The following CNTN4 variants were observed in gnomAD, a reference collection of about 807,000 sequenced individuals.
CNTN4 encodes contactin 4, also known as contactin-4.
CNTN4 carries 77 observed loss-of-function variants against 122.5 expected under a neutral mutation model. The ratio of observed to expected loss-of-function variants is 0.63; its 90% CI spans 0.52 to 0.76. The LOEUF is 0.76. Among genes scored for constraint, CNTN4 ranks in the 30% least tolerant of loss-of-function variants. The pLI is 0.00. For missense variants in CNTN4, 1,256 were observed against 1,259.1 expected (o/e 1.00, Z 0.04); for synonymous variants, 512 against 447.0 (o/e 1.15, Z -1.83).
intron 3 of CNTN4, among the ~76,000 whole-genome samples, chr3:2,455,738 G>T (rs2048975372): frequency 6.6e-6 from 1 of 152,056 alleles, no homozygotes; most frequent in South Asian, 2.1e-4. Context: ...CATTCCTGAA[G>T]TGTGTCTTAT....
At chr3:2,393,977 G>A (rs2046539990) in intron 3 of CNTN4, among the ~76,000 whole-genome samples, 1 of 151,732 alleles carries the variant, frequency 6.6e-6, no homozygotes, top group African/African-American at 2.4e-5. Flanking sequence ...AAGTAATTGT[G>A]GTTTTTACTA....
At chr3:2,116,361 C>T (rs917736158) in intron 2 of CNTN4, among the ~76,000 whole-genome samples, 4 of 152,024 alleles carry the variant, frequency 2.6e-5, no homozygotes, top group African/African-American at 7.3e-5. Context: ...GGAGGGGAGA[C>T]GTGTTTATGG....
intron 3 of CNTN4, among the ~76,000 whole-genome samples, chr3:2,566,349 T>A (rs930375909): frequency 2.0e-5 from 3 of 152,234 alleles, no homozygotes; most frequent in Non-Finnish European, 1.5e-5. Flanking sequence ...CCTCTCATAT[T>A]CTAATTGCCA....
intron 3 of CNTN4, among the ~76,000 whole-genome samples, chr3:2,517,384 T>C (rs930440640): frequency 6.6e-6 from 1 of 152,124 alleles, no homozygotes; most frequent in Non-Finnish European, 1.5e-5. Flanking sequence ...CTTCTACCAA[T>C]GTCTGTGTTT....
At position 2,108,823 on chromosome 3, in the gene CNTN4, C is replaced by T. The variant is rs553121711; in HGVS notation, c.-145+8184C>T. Among the ~76,000 whole-genome samples, 6 of 152,252 alleles carry T rather than the reference C, an allele frequency of 3.9e-5. No homozygotes were observed. The South Asian group carries it at 8.3e-4, about 21-fold the overall frequency. ...TGAAGATTATGTAGAGTACTACATG[C>T]AAAGTACAAGCAGGACAGTGCCCAA... On this transcript the variant is annotated intron_variant, in intron 2 of 24. Transcript: ENST00000418658.
chr3:2,270,907 C>T (rs546785001), intron 2 of CNTN4, among the ~76,000 whole-genome samples: 1 of 152,226 alleles, frequency 6.6e-6, no homozygotes, highest in East Asian at 1.9e-4. Context: ...AGTTCACAGG[C>T]GTGCAGGCTG....
intron 2 of CNTN4, among the ~76,000 whole-genome samples, chr3:2,233,393 C>CT (rs2149558515): frequency 1.3e-5 from 2 of 152,232 alleles, no homozygotes; most frequent in African/African-American, 4.8e-5. Flanking sequence ...ATCAAGAAGC[C>CT]TTTGCCTGTT....
rs193141930 is a variant in CNTN4 at position 2,379,438 on chromosome 3, A to G, written c.-89+40205A>G. Among the ~76,000 whole-genome samples, 215 of 152,296 alleles carry G rather than the reference A, an allele frequency of 1.4e-3. 1 individual carries two copies. Among genetic ancestry groups the G allele is most frequent in the Non-Finnish European group, 2.0e-3 (135 of 68,028 alleles). On this transcript the variant is annotated intron_variant, in intron 3 of 24. Coordinates refer to ENST00000418658, the MANE Select transcript of CNTN4 (RefSeq NM_175607.3). ...ACTTCTGATAGTACCTTGGATAGATAACTTTATTAATTGAGGTGGTTGACC... is the reference window on the plus strand; with the variant it reads ...ACTTCTGATAGTACCTTGGATAGATGACTTTATTAATTGAGGTGGTTGACC...
intron 13 of CNTN4, among the ~76,000 whole-genome samples, chr3:2,936,220 C>T (rs966242537): frequency 1.3e-5 from 2 of 152,182 alleles, no homozygotes; most frequent in African/African-American, 2.4e-5. Context: ...CCTGGGAAAG[C>T]ATTTCAACTT....
At chr3:2,798,186 G>A (rs1197019106) in intron 6 of CNTN4, among the ~76,000 whole-genome samples, 3 of 151,178 alleles carry the variant, frequency 2.0e-5, no homozygotes, top group Non-Finnish European at 4.4e-5. Context: ...CTGCTTGTGG[G>A]TTATTTCTCT....
intron 4 of CNTN4, among the ~76,000 whole-genome samples, chr3:2,669,146 G>T (rs2084347161): frequency 6.6e-6 from 1 of 152,162 alleles, no homozygotes. Flanking sequence ...CTATTGATTG[G>T]AATAGTTTCA....
At chr3:2,959,424 T>A (rs2094831100) in intron 13 of CNTN4, among the ~76,000 whole-genome samples, 1 of 152,132 alleles carries the variant, frequency 6.6e-6, no homozygotes, top group Admixed American at 6.5e-5. Context: ...AGTCTTTAAG[T>A]CTCCACAGGT....
chr3:2,667,372 G>T (rs1235555783), intron 4 of CNTN4, among the ~76,000 whole-genome samples: 1 of 152,030 alleles, frequency 6.6e-6, no homozygotes, highest in Admixed American at 6.5e-5. Flanking sequence ...TGTGTCTTTT[G>T]GCTGCATAAA....
intron 3 of CNTN4, among the ~76,000 whole-genome samples, chr3:2,370,880 T>A (rs2045606873): frequency 6.6e-6 from 1 of 152,214 alleles, no homozygotes; most frequent in Admixed American, 6.5e-5. Flanking sequence ...CATGCAGTTT[T>A]TAAGACCCAA....
chr3:2,335,356 T>C (rs989398444), intron 2 of CNTN4, among the ~76,000 whole-genome samples: 1 of 152,090 alleles, frequency 6.6e-6, no homozygotes, highest in African/African-American at 2.4e-5. Flanking sequence ...AACTGGGCAG[T>C]GTTCTCATGG....
At chr3:2,958,220 A>C (rs71311728) in intron 13 of CNTN4, among the ~76,000 whole-genome samples, 1 of 152,122 alleles carries the variant, frequency 6.6e-6, no homozygotes, top group Non-Finnish European at 1.5e-5. Flanking sequence ...ACACTGGTTT[A>C]TGAGGAAAGA....
intron 2 of CNTN4, among the ~76,000 whole-genome samples, chr3:2,106,818 AT>A (rs1445019032): frequency 6.6e-6 from 1 of 152,086 alleles, no homozygotes; most frequent in Non-Finnish European, 1.5e-5. Context: ...CAGGCTGCAA[AT>A]TTTTCAAACC....
rs187879051 is a variant in CNTN4 at position 2,580,860 on chromosome 3, T to G, written c.55+9302T>G. On this transcript the variant is annotated intron_variant, in intron 4 of 24. Coordinates refer to ENST00000418658, the MANE Select transcript of CNTN4 (RefSeq NM_175607.3). Reference sequence around the variant, plus strand: ...AGAGGTATTATCCTAAGTTCATAGATAAGGGGTTACATGACCTACCAATAA... The same window carrying G: ...AGAGGTATTATCCTAAGTTCATAGAGAAGGGGTTACATGACCTACCAATAA... Among the ~76,000 whole-genome samples the G allele has an allele frequency of 7.2e-5, 11 of 152,240 alleles. No individual in the cohort carries two copies. In the East Asian group the frequency reaches 9.7e-4, roughly 13 times the overall value.
At chr3:2,283,843 AAGGG>A (rs1251926658) in intron 2 of CNTN4, among the ~76,000 whole-genome samples, 1 of 152,072 alleles carries the variant, frequency 6.6e-6, no homozygotes, top group Non-Finnish European at 1.5e-5. Context: ...ATTTCTCTTC[AAGGG>A]AGGCCATTAA....
Sources: gnomAD v4.1 joint callset for allele counts (sites outside exome capture counted in the v4.1 genomes callset) on GRCh38, gnomAD v4.1.1 for gene constraint, MANE v1.5 for transcripts, NCBI Gene and HGNC (gene_info 2026-07-23, HGNC 2026-07-21) for gene names.